The following SAMD5 variants were observed in gnomAD, a reference collection of about 807,000 sequenced individuals.
SAMD5 encodes sterile alpha motif domain-containing protein 5.
Under a neutral mutation model 11.3 loss-of-function variants are expected in SAMD5, and 13 were observed. The observed-to-expected ratio is 1.15, with a 90% CI of 0.75 to 1.83. The LOEUF (loss-of-function observed/expected upper bound fraction) is 1.83, where lower values mean the gene tolerates loss of function less well. SAMD5 is among the 40% of genes most tolerant of loss of function. The pLI is 0.00. For synonymous variants in SAMD5, 129 were observed against 111.3 expected (o/e 1.16, Z -1.00); for missense variants, 255 against 239.1 (o/e 1.07, Z -0.44).
chr6:147,849,218 T>C, the SAMD5 span, among the ~76,000 whole-genome samples: 15 of 151,504 alleles, frequency 9.9e-5, no homozygotes, highest in African/African-American at 3.4e-4. Context: ...ATATGATCCC[T>C]TAATTTTTTA....
At chr6:147,861,992 A>T in the SAMD5 span, among the ~76,000 whole-genome samples, 1 of 152,122 alleles carries the variant, frequency 6.6e-6, no homozygotes, top group Non-Finnish European at 1.5e-5. Context: ...GGGGAGGTCC[A>T]GTTTTGGGCC....
At chr6:147,692,834 A>C (rs1451812007) in intron 1 of SAMD5, among the ~76,000 whole-genome samples, 1 of 152,240 alleles carries the variant, frequency 6.6e-6, no homozygotes, top group African/African-American at 2.4e-5. Flanking sequence ...GGTTCACAAA[A>C]GTACAACTCA....
the SAMD5 span, among the ~76,000 whole-genome samples, chr6:147,780,297 T>C: frequency 6.6e-6 from 1 of 152,000 alleles, no homozygotes; most frequent in Non-Finnish European, 1.5e-5. Flanking sequence ...AATGTCTGCC[T>C]CCTGAGTTCA....
chr6:147,880,482 A>G, the SAMD5 span, among the ~76,000 whole-genome samples: 1 of 152,204 alleles, frequency 6.6e-6, no homozygotes, highest in African/African-American at 2.4e-5. Flanking sequence ...CTCGATTGGT[A>G]GAGACCTAAT....
chr6:147,829,843 G>A, the SAMD5 span, among the ~76,000 whole-genome samples: 1 of 152,166 alleles, frequency 6.6e-6, no homozygotes, highest in Non-Finnish European at 1.5e-5. Flanking sequence ...TGGAACTTTG[G>A]ATGAAGATGG....
intron 1 of SAMD5, among the ~76,000 whole-genome samples, chr6:147,728,921 T>TA (rs937181158): frequency 6.6e-6 from 1 of 152,208 alleles, no homozygotes; most frequent in Admixed American, 6.5e-5. Context: ...AAGTGTTCTT[T>TA]AAAAAAATGA....
At chr6:147,792,501 A>C in the SAMD5 span, among the ~76,000 whole-genome samples, 2 of 152,196 alleles carry the variant, frequency 1.3e-5, no homozygotes, top group African/African-American at 2.4e-5. Context: ...ATATTTATGC[A>C]TATGTGTGCA....
chr6:147,698,751 A>G (rs1315558535), intron 1 of SAMD5, among the ~76,000 whole-genome samples: 2 of 152,208 alleles, frequency 1.3e-5, no homozygotes, highest in African/African-American at 2.4e-5. Flanking sequence ...CAGACAAGCA[A>G]TCGACTGGTA....
At chr6:147,862,227 G>C in the SAMD5 span, among the ~76,000 whole-genome samples, 1 of 152,036 alleles carries the variant, frequency 6.6e-6, no homozygotes, top group Admixed American at 6.6e-5. Flanking sequence ...GTGTTGCAAG[G>C]AGGCCCTCAT....
the SAMD5 span, among the ~76,000 whole-genome samples, chr6:147,896,263 G>A: frequency 1.1e-4 from 17 of 152,196 alleles, no homozygotes; most frequent in Non-Finnish European, 2.2e-4. Flanking sequence ...GGGATAAGAC[G>A]GCCAAGGTCT....
At chr6:147,828,614 T>C in the SAMD5 span, among the ~76,000 whole-genome samples, 1 of 152,176 alleles carries the variant, frequency 6.6e-6, no homozygotes, top group Non-Finnish European at 1.5e-5. Context: ...AACATCGAAC[T>C]CCAGGTTCTT....
chr6:147,688,639 C>A (rs1791052094), intron 1 of SAMD5, among the ~76,000 whole-genome samples: 1 of 152,186 alleles, frequency 6.6e-6, no homozygotes, highest in African/African-American at 2.4e-5. Context: ...ACCAGAAGTT[C>A]TTTGCAGCTT....
At chr6:147,545,750 C>T (rs535956416) in intron 1 of SAMD5, among the ~76,000 whole-genome samples, 1 of 152,156 alleles carries the variant, frequency 6.6e-6, no homozygotes, top group South Asian at 2.1e-4. Context: ...ATATATAAAA[C>T]ACAGACACAC....
At chr6:147,745,636 T>C in the SAMD5 span, among the ~76,000 whole-genome samples, 1 of 152,172 alleles carries the variant, frequency 6.6e-6, no homozygotes, top group Non-Finnish European at 1.5e-5. Context: ...CAAACAGTGT[T>C]TTCACAAAGT....
At chr6:147,759,540 T>C in the SAMD5 span, among the ~76,000 whole-genome samples, 1 of 151,468 alleles carries the variant, frequency 6.6e-6, no homozygotes, top group Non-Finnish European at 1.5e-5. Context: ...GGGTAAGATA[T>C]ATATGTATAT....
the SAMD5 span, among the ~76,000 whole-genome samples, chr6:147,894,011 G>A: frequency 6.6e-6 from 1 of 151,874 alleles, no homozygotes; most frequent in East Asian, 1.9e-4. Flanking sequence ...AGGCTGCATG[G>A]TATTCCATGA....
chr6:147,662,052 A>C (rs1790656347), intron 1 of SAMD5, among the ~76,000 whole-genome samples: 1 of 152,198 alleles, frequency 6.6e-6, no homozygotes, highest in African/African-American at 2.4e-5. Flanking sequence ...TCACATCTTC[A>C]CAAAAATAGG....
chr6:147,521,856 C>G (rs1788259687), intron 1 of SAMD5, among the ~76,000 whole-genome samples: 1 of 140,754 alleles, frequency 7.1e-6, no homozygotes, highest in African/African-American at 2.7e-5. Flanking sequence ...CTTTAAATAA[C>G]AAGAACGACA....
chr6:147,512,178 G>A (rs1244963838), intron 1 of SAMD5, among the ~76,000 whole-genome samples: 5 of 152,118 alleles, frequency 3.3e-5, no homozygotes, highest in African/African-American at 4.8e-5. Context: ...GGCTCATCTC[G>A]AACTCCTGGC....
Sources: allele counts gnomAD v4.1 joint callset (sites outside exome capture counted in the v4.1 genomes callset), GRCh38; gene constraint gnomAD v4.1.1; transcripts MANE v1.5; gene names NCBI Gene and HGNC (gene_info 2026-07-23, HGNC 2026-07-21).